HTT: variants seen among roughly 807,000 people sequenced by gnomAD.
The protein encoded by HTT is huntingtin, also known as huntington disease protein.
HTT carries 104 observed loss-of-function variants against 362.3 expected under a neutral mutation model. The ratio of observed to expected loss-of-function variants is 0.29; its 90% CI spans 0.24 to 0.34. The LOEUF (loss-of-function observed/expected upper bound fraction) is 0.34. HTT is among the 10% of genes least tolerant of loss of function. The probability of loss-of-function intolerance (pLI) is 1.00; values close to 1 mark genes in which losing one functional copy is unlikely to be tolerated. For synonymous variants in HTT, 1,577 were observed against 1,548.7 expected (o/e 1.02, Z -0.43); for missense variants, 3,301 against 3,928.6 (o/e 0.84, Z 4.27).
rs756912473 is a variant in HTT at position 3,116,135 on chromosome 4, G to A, written c.940G>A (p.Val314Met). ...ACACTCCACTCTGCTGATTCTTGGC[G>A]TGCTGCTCACCCTGAGGTATTTGGT... ...DEHSTLLILG[V>M]LLTLRYLVPL... Residue 314 changes from valine to methionine, a missense_variant, in exon 8 of 67, where the codon GTG (valine) becomes ATG (methionine). By Grantham distance (21) the Val-to-Met change is conservative. Transcript: ENST00000355072. 10 of 1,613,750 alleles carry A rather than the reference G, an allele frequency of 6.2e-6. No homozygotes were observed. In the South Asian group the frequency reaches 6.6e-5, roughly 11 times the overall value.
chr4:3,185,507 C>T (rs1428062658), intron 37 of HTT, among the ~76,000 whole-genome samples: 2 of 152,234 alleles, frequency 1.3e-5, no homozygotes, highest in African/African-American at 2.4e-5. Flanking sequence ...TATGTATACA[C>T]ACTCAGTAGA....
chr4:3,138,219 G>A (rs1156668046), intron 21 of HTT, among the ~76,000 whole-genome samples: 10 of 143,494 alleles, frequency 7.0e-5, no homozygotes, highest in Admixed American at 4.3e-4. Context: ...TCCTTCCTTC[G>A]TTTCTTTCTA....
intron 27 of HTT, 41 bp downstream of exon 27, chr4:3,154,460 A>G (rs1717048817): frequency 1.9e-6 from 3 of 1,604,378 alleles, no homozygotes; most frequent in African/African-American, 1.3e-5. Flanking sequence ...TGAGTGCAGC[A>G]TCTGTCATGT....
chr4:3,178,550 TTC>T, intron 35 of HTT, 104 bp downstream of exon 35: 1 of 976,042 alleles, frequency 1.0e-6, no homozygotes, highest in Non-Finnish European at 1.6e-6. Flanking sequence ...AGCCATGTGC[TTC>T]TCAGGCTCTG....
intron 1 of HTT, among the ~76,000 whole-genome samples, chr4:3,082,222 T>G (rs1712949482): frequency 6.6e-6 from 1 of 152,214 alleles, no homozygotes; most frequent in African/African-American, 2.4e-5. Flanking sequence ...AAAAGAGGAC[T>G]TTTGGAGATG....
chr4:3,152,721 G>A (rs745552814), intron 26 of HTT, among the ~76,000 whole-genome samples: 5 of 150,384 alleles, frequency 3.3e-5, no homozygotes, highest in Non-Finnish European at 7.4e-5. Flanking sequence ...TTTAAATTGT[G>A]ACGGAACTTC....
intron 6 of HTT, among the ~76,000 whole-genome samples, chr4:3,110,690 C>G (rs1291617700): frequency 6.6e-6 from 1 of 152,180 alleles, no homozygotes; most frequent in Non-Finnish European, 1.5e-5. Flanking sequence ...AGTCTTTGCC[C>G]TGTTGTCTTA....
chr4:3,107,201 G>A, intron 5 of HTT, 84 bp from the exon 6 acceptor site: 1 of 1,430,678 alleles, frequency 7.0e-7, no homozygotes, highest in Non-Finnish European at 9.6e-7. Flanking sequence ...TATAAAACTG[G>A]CTTTTCCCTA....
chr4:3,137,180 A>G (rs1280879542), intron 21 of HTT, among the ~76,000 whole-genome samples: 2 of 151,946 alleles, frequency 1.3e-5, no homozygotes, highest in African/African-American at 2.4e-5. Flanking sequence ...TGCTGGGATT[A>G]CAGGCGTGAG....
rs186007575 is a variant in HTT, at chr4:3,134,390, T to A, written c.2494-11T>A. ...ACCTGCTGTCCTCTTGCCTTGGACC[T>A]TGTGTTCCAGAACTGTGTCATGAGT... On this transcript the variant is annotated splice_polypyrimidine_tract_variant and intron_variant, in intron 18 of 66. Transcript: ENST00000355072. The A allele has an allele frequency of 1.2e-5, 20 of 1,611,694 alleles. No homozygotes were observed. In the East Asian group the frequency reaches 4.5e-4, roughly 36 times the overall value.
At chr4:3,223,274 C>A in intron 54 of HTT, 132 bp from the exon 55 acceptor site, 1 of 857,584 alleles carries the variant, frequency 1.2e-6, no homozygotes, top group Non-Finnish European at 1.7e-6. Flanking sequence ...TGAGCTCAGC[C>A]TGACAGAAAT....
At chr4:3,134,586 A>G (rs778438153) in intron 19 of HTT, 46 bp downstream of exon 19, 2 of 1,553,440 alleles carry the variant, frequency 1.3e-6, no homozygotes, top group Non-Finnish European at 8.8e-7. Flanking sequence ...AGCTCAATTG[A>G]AAGTTCTGGG....
chr4:3,187,101 C>T (rs538581809), intron 38 of HTT, among the ~76,000 whole-genome samples: 7 of 151,660 alleles, frequency 4.6e-5, no homozygotes, highest in South Asian at 2.1e-4. Flanking sequence ...CCTCGTGACC[C>T]GCCCATCTCA....
intron 44 of HTT, 22 bp from the exon 45 acceptor site, chr4:3,207,259 C>G (rs1199144596): frequency 6.2e-7 from 1 of 1,602,148 alleles, no homozygotes; most frequent in Non-Finnish European, 8.5e-7. Flanking sequence ...TACAAACACA[C>G]TAATGTGTTT....
intron 24 of HTT, among the ~76,000 whole-genome samples, chr4:3,145,766 C>T (rs77861822): frequency 6.6e-6 from 1 of 152,230 alleles, no homozygotes; most frequent in Non-Finnish European, 1.5e-5. Context: ...ATTTTGGTGA[C>T]TCACATCACA....
At chr4:3,195,559 A>G (rs1719211075) in intron 40 of HTT, among the ~76,000 whole-genome samples, 1 of 150,918 alleles carries the variant, frequency 6.6e-6, no homozygotes, top group African/African-American at 2.4e-5. Context: ...GCTCATCACT[A>G]CTCGGGACCC....
intron 54 of HTT, among the ~76,000 whole-genome samples, chr4:3,223,103 C>G (rs1196589609): frequency 1.3e-5 from 2 of 152,184 alleles, no homozygotes; most frequent in East Asian, 3.8e-4. Context: ...GTGTCATAAG[C>G]AAGGCCTGTA....
intron 40 of HTT, among the ~76,000 whole-genome samples, chr4:3,199,517 G>A (rs1262976628): frequency 2.0e-5 from 3 of 150,476 alleles, no homozygotes; most frequent in African/African-American, 7.3e-5. Context: ...TCCAACCTGG[G>A]CAACAAGAGC....
chr4:3,234,980 G>A (rs900771517), intron 61 of HTT, among the ~76,000 whole-genome samples: 6 of 152,196 alleles, frequency 3.9e-5, no homozygotes, highest in African/African-American at 9.7e-5. Context: ...CTAGGGCCTC[G>A]TTGAGGGACA....
Sources: allele counts gnomAD v4.1 joint callset (sites outside exome capture counted in the v4.1 genomes callset), GRCh38; gene constraint gnomAD v4.1.1; transcripts MANE v1.5; gene names NCBI Gene and HGNC (gene_info 2026-07-23, HGNC 2026-07-21).